Variants in TMTC1 observed in about 807,000 individuals in gnomAD.
TMTC1 encodes the protein transmembrane O-mannosyltransferase targeting cadherins 1, also known as protein O-mannosyl-transferase TMTC1.
TMTC1 carries 73 observed loss-of-function variants against 104.8 expected under a neutral mutation model. That is an observed-to-expected ratio of 0.70 (90% CI 0.58 to 0.85). The LOEUF is 0.85. Among genes scored for constraint, TMTC1 ranks in the 40% least tolerant of loss-of-function variants. The probability of loss-of-function intolerance (pLI) is 0.00; values close to 1 mark genes in which losing one functional copy is unlikely to be tolerated. For synonymous variants in TMTC1, 434 were observed against 428.7 expected (o/e 1.01, Z -0.15); for missense variants, 1,035 against 1,096.1 (o/e 0.94, Z 0.79).
chr12:29,647,020 C>A (rs528039031), intron 5 of TMTC1, among the ~76,000 whole-genome samples: 1 of 152,054 alleles, frequency 6.6e-6, no homozygotes, highest in Non-Finnish European at 1.5e-5. Flanking sequence ...AGCTTCGTTT[C>A]GAAAAAACAT....
intron 6 of TMTC1, among the ~76,000 whole-genome samples, chr12:29,612,112 C>A (rs1389304221): frequency 6.6e-6 from 1 of 152,090 alleles, no homozygotes; most frequent in African/African-American, 2.4e-5. Flanking sequence ...CTTTGGTATT[C>A]GAAGTTAATG....
intron 6 of TMTC1, among the ~76,000 whole-genome samples, chr12:29,623,186 T>C (rs1937767163): frequency 6.6e-6 from 1 of 152,204 alleles, no homozygotes; most frequent in Admixed American, 6.5e-5. Context: ...TGCATAGTTA[T>C]AAAAATGTAG....
chr12:29,625,530 T>C (rs2136477048), intron 6 of TMTC1, among the ~76,000 whole-genome samples: 1 of 152,308 alleles, frequency 6.6e-6, no homozygotes, highest in African/African-American at 2.4e-5. Context: ...GCAAAGAATG[T>C]TCAAGATGAA....
chr12:29,781,492 C>T (rs1943835411), intron 1 of TMTC1, among the ~76,000 whole-genome samples: 1 of 152,138 alleles, frequency 6.6e-6, no homozygotes, highest in Admixed American at 6.5e-5. Flanking sequence ...ACTCCCTCCA[C>T]CCCTCCCTTA....
intron 11 of TMTC1, among the ~76,000 whole-genome samples, chr12:29,524,696 G>C (rs756997217): frequency 2.0e-5 from 3 of 152,164 alleles, no homozygotes; most frequent in Non-Finnish European, 4.4e-5. Context: ...TATGATGTAG[G>C]TTAAAAGGAA....
At chr12:29,548,979 ATAAAT>A (rs1486325120) in intron 10 of TMTC1, among the ~76,000 whole-genome samples, 3 of 145,458 alleles carry the variant, frequency 2.1e-5, no homozygotes, top group East Asian at 1.9e-4. Flanking sequence ...AATTAAATAT[ATAAAT>A]TAAATTAAAT....
intron 12 of TMTC1, among the ~76,000 whole-genome samples, chr12:29,518,897 C>T (rs866581982): frequency 5.3e-5 from 8 of 152,198 alleles, no homozygotes; most frequent in Middle Eastern, 6.8e-3. Context: ...TTCTGGTCAT[C>T]GCTCTTGCTA....
At chr12:29,711,210 C>T (rs1031154428) in intron 5 of TMTC1, among the ~76,000 whole-genome samples, 5 of 151,896 alleles carry the variant, frequency 3.3e-5, no homozygotes, top group Admixed American at 6.6e-5. Flanking sequence ...AACTCCTGGC[C>T]TCAAGCAATC....
chr12:29,654,706 A>G (rs1271867264), intron 5 of TMTC1, among the ~76,000 whole-genome samples: 1 of 144,176 alleles, frequency 6.9e-6, no homozygotes, highest in African/African-American at 2.7e-5. Flanking sequence ...AACAACCCAA[A>G]TGTCCATTTT....
chr12:29,752,353 T>C (rs1039315288), intron 4 of TMTC1, among the ~76,000 whole-genome samples: 1 of 152,126 alleles, frequency 6.6e-6, no homozygotes, highest in African/African-American at 2.4e-5. Flanking sequence ...ACCCACTAGA[T>C]GGGCAAAAAT....
chr12:29,528,228 G>T (rs1944403159), intron 11 of TMTC1, among the ~76,000 whole-genome samples: 2 of 152,144 alleles, frequency 1.3e-5, no homozygotes, highest in African/African-American at 4.8e-5. Flanking sequence ...ACCTAAGCCT[G>T]ATCATTTCTA....
At chr12:29,717,887 G>C (rs192077127) in intron 5 of TMTC1, among the ~76,000 whole-genome samples, 6 of 152,240 alleles carry the variant, frequency 3.9e-5, no homozygotes, top group African/African-American at 1.4e-4. Context: ...CTTGTACTTT[G>C]AACTTGCATG....
intron 6 of TMTC1, 55 bp downstream of exon 6, chr12:29,633,092 G>A: frequency 6.7e-7 from 1 of 1,497,728 alleles, no homozygotes; most frequent in Non-Finnish European, 9.2e-7. Context: ...GAACATTATA[G>A]GCATAGAATA....
chr12:29,701,696 C>A (rs1941599515), intron 5 of TMTC1, among the ~76,000 whole-genome samples: 1 of 152,176 alleles, frequency 6.6e-6, no homozygotes, highest in Admixed American at 6.5e-5. Context: ...AATGCTTTCA[C>A]TCCTTGTCAG....
At position 29,517,442 on chromosome 12, in the gene TMTC1, C is replaced by G. The variant is rs1452899326; in HGVS notation, c.2154G>C (p.Glu718Asp). Residue 718 changes from glutamate to aspartate, a missense_variant, in exon 14 of 18, where the codon GAG (glutamate) becomes GAC (aspartate). Coordinates refer to ENST00000539277, the MANE Select transcript of TMTC1 (RefSeq NM_001193451.2). ...TCCTACTCACCAGTGCCAAGCGGAG[C>G]TCCCTCTGAGAAGGCTGAAGTGCTG... ...EAAALQPSQRELRLALAQVLA... is the reference protein window; with the variant it reads ...EAAALQPSQRDLRLALAQVLA... 6.2e-6 allele frequency: 10 copies of G among 1,613,990 alleles called. No individual in the cohort carries two copies. Among genetic ancestry groups the G allele is most frequent in the Non-Finnish European group, 8.5e-6 (10 of 1,180,028 alleles).
intron 8 of TMTC1, among the ~76,000 whole-genome samples, chr12:29,574,786 C>A (rs1170099480): frequency 6.6e-6 from 1 of 152,200 alleles, no homozygotes; most frequent in Non-Finnish European, 1.5e-5. Context: ...CTCACAGGCC[C>A]TATATCCAGA....
At chr12:29,543,152 T>C (rs1243249179) in intron 10 of TMTC1, among the ~76,000 whole-genome samples, 4 of 152,222 alleles carry the variant, frequency 2.6e-5, no homozygotes, top group East Asian at 1.9e-4. Flanking sequence ...TAAACACTTG[T>C]AGTTTCACAG....
chr12:29,677,239 A>G (rs10771569), intron 5 of TMTC1, among the ~76,000 whole-genome samples: 44,544 of 152,046 alleles, frequency 0.29, 6,624 homozygotes, highest in East Asian at 0.34. Flanking sequence ...TGCAGCATGA[A>G]TAACCCTTTA....
At chr12:29,539,697 C>G (rs1360257107) in intron 10 of TMTC1, among the ~76,000 whole-genome samples, 1 of 152,216 alleles carries the variant, frequency 6.6e-6, no homozygotes, top group Non-Finnish European at 1.5e-5. Context: ...TTAAAAAAGA[C>G]TTTAGTGCTC....
Sources: gnomAD v4.1 joint callset for allele counts (sites outside exome capture counted in the v4.1 genomes callset) on GRCh38, gnomAD v4.1.1 for gene constraint, MANE v1.5 for transcripts, NCBI Gene and HGNC (gene_info 2026-07-23, HGNC 2026-07-21) for gene names.